ADARB1: variants seen among roughly 807,000 people sequenced by gnomAD.
The protein encoded by ADARB1 is adenosine deaminase RNA specific B1.
ADARB1 carries 10 observed loss-of-function variants against 52.4 expected under a neutral mutation model. The observed-to-expected ratio is 0.19, with a 90% CI of 0.12 to 0.32. The LOEUF is 0.32. Among genes scored for constraint, ADARB1 ranks in the 10% least tolerant of loss-of-function variants. The pLI, the probability that ADARB1 is intolerant of heterozygous loss-of-function variation, is 1.00. For missense variants in ADARB1, 643 were observed against 922.3 expected (o/e 0.70, Z 3.92); for synonymous variants, 349 against 371.1 (o/e 0.94, Z 0.68).
intron 3 of ADARB1, 63 bp from the exon 4 acceptor site, chr21:45,175,667 A>C: frequency 6.6e-7 from 1 of 1,525,490 alleles, no homozygotes; most frequent in South Asian, 1.2e-5. Flanking sequence ...GGAATCTATA[A>C]ATTTTGCATT....
intron 1 of ADARB1, among the ~76,000 whole-genome samples, chr21:45,120,477 C>G (rs137997271): frequency 0.015 from 2,323 of 152,298 alleles, 25 homozygotes; most frequent in Non-Finnish European, 0.022. Context: ...CTTCTTCCGT[C>G]TCCTCCTGGC....
intron 1 of ADARB1, among the ~76,000 whole-genome samples, chr21:45,121,519 A>G (rs2088188563): frequency 6.6e-6 from 1 of 151,864 alleles, no homozygotes; most frequent in Non-Finnish European, 1.5e-5. Context: ...GTTCATGCTT[A>G]TTTGTATTTA....
intron 1 of ADARB1, among the ~76,000 whole-genome samples, chr21:45,103,849 CT>C (rs1343381397): frequency 1.3e-5 from 2 of 152,058 alleles, no homozygotes; most frequent in Non-Finnish European, 2.9e-5. Context: ...TTCAAAAACA[CT>C]TTTTTGTGTC....
chr21:45,179,064 G>A (rs963324215), intron 4 of ADARB1, among the ~76,000 whole-genome samples: 2 of 152,102 alleles, frequency 1.3e-5, no homozygotes, highest in African/African-American at 4.8e-5. Context: ...CTGTAAACTC[G>A]AATGAATCGC....
At chr21:45,184,536 C>G in intron 7 of ADARB1, 1 of 362,112 alleles carries the variant, frequency 2.8e-6, no homozygotes, top group South Asian at 2.1e-5. Flanking sequence ...GCAGCCTCGA[C>G]CTCCTGGGCT....
intron 2 of ADARB1, among the ~76,000 whole-genome samples, chr21:45,139,549 A>G (rs2089593448): frequency 6.6e-6 from 1 of 152,154 alleles, no homozygotes; most frequent in Non-Finnish European, 1.5e-5. Flanking sequence ...GTTTGGATCC[A>G]GCGGTCGAGC....
chr21:45,191,880 A>ATTTTT (rs777269104), intron 8 of ADARB1, among the ~76,000 whole-genome samples: 3 of 15,726 alleles, frequency 1.9e-4, no homozygotes, highest in Non-Finnish European at 2.9e-4. Flanking sequence ...ATATATATAT[A>ATTTTT]TTTTTTTTTT....
intron 2 of ADARB1, chr21:45,146,067 CGGGA>C (rs2089990498): frequency 6.9e-6 from 1 of 145,278 alleles, no homozygotes; most frequent in Non-Finnish European, 1.5e-5. Context: ...TCCGTTCTGC[CGGGA>C]TTACCTACGG....
chr21:45,104,007 ACC>A (rs2087138887), intron 1 of ADARB1, among the ~76,000 whole-genome samples: 1 of 151,964 alleles, frequency 6.6e-6, no homozygotes, highest in African/African-American at 2.4e-5. Flanking sequence ...CACTTATCGA[ACC>A]AGGCCCCAGG....
At chr21:45,092,027 C>T (rs1054112850) in intron 1 of ADARB1, among the ~76,000 whole-genome samples, 14 of 152,208 alleles carry the variant, frequency 9.2e-5, no homozygotes, top group Middle Eastern at 6.8e-3. Flanking sequence ...CCCTAGAGAT[C>T]AACATCCTTC....
intron 9 of ADARB1, among the ~76,000 whole-genome samples, chr21:45,209,370 A>G (rs1401460423): frequency 6.6e-6 from 1 of 152,162 alleles, no homozygotes; most frequent in Non-Finnish European, 1.5e-5. Context: ...TTAACTCCAC[A>G]TCCAGATTTA....
chr21:45,080,599 G>C (rs1381613927), intron 1 of ADARB1, among the ~76,000 whole-genome samples: 2 of 152,254 alleles, frequency 1.3e-5, no homozygotes, highest in African/African-American at 4.8e-5. Flanking sequence ...CTTCTTACCA[G>C]CTTGTGCTGA....
intron 1 of ADARB1, among the ~76,000 whole-genome samples, chr21:45,099,755 G>A (rs1314936382): frequency 6.6e-6 from 1 of 152,178 alleles, no homozygotes; most frequent in Admixed American, 6.5e-5. Context: ...CAGTAAGCCC[G>A]TGTGAAGTGT....
intron 1 of ADARB1, among the ~76,000 whole-genome samples, chr21:45,098,694 T>C (rs1481075701): frequency 6.6e-6 from 1 of 152,236 alleles, no homozygotes; most frequent in Non-Finnish European, 1.5e-5. Flanking sequence ...AAAGTGTTCG[T>C]GGCAGTGTGG....
In ADARB1 at chr21:45,176,224, A is replaced by C. The variant is rs765062795; in HGVS notation, c.523A>C (p.Thr175Pro). ...FTSDQADFPD[T>P]LFNGFETPDK... ...ATCTGACCAGGCCGACTTCCCTGAC[A>C]CGCTCTTCAATGGTTTTGAAACTCC... Residue 175 changes from threonine (T) to proline (P), a missense_variant, in exon 4 of 11, where the codon ACG becomes CCG. Around this residue, in one of 2 missense-constraint regions of ADARB1, gnomAD observed 380 missense variants for 446.5 expected, o/e 0.85. Coordinates refer to ENST00000348831, the MANE Select transcript of ADARB1 (RefSeq NM_001112.4). The surrounding 1 kb of genome is among the most constrained non-coding windows in gnomAD (Gnocchi z 5.8). 6.2e-7 allele frequency: 1 copy of C among 1,614,180 alleles called. No individual in the cohort carries two copies. Among genetic ancestry groups the C allele is most frequent in the Non-Finnish European group, 8.5e-7 (1 of 1,180,044 alleles).
chr21:45,162,355 G>A (rs1282212035), intron 2 of ADARB1, among the ~76,000 whole-genome samples: 1 of 152,132 alleles, frequency 6.6e-6, no homozygotes, highest in African/African-American at 2.4e-5. Flanking sequence ...CTGCCTGGCT[G>A]TACACAATGG....
intron 2 of ADARB1, among the ~76,000 whole-genome samples, chr21:45,171,155 G>A (rs143835414): frequency 2.0e-5 from 3 of 152,194 alleles, no homozygotes; most frequent in African/African-American, 7.2e-5. Flanking sequence ...CTGTCATGGC[G>A]TGTTGTGTCC....
At chr21:45,209,916 TCTCTC>T (rs1206515643) in intron 9 of ADARB1, among the ~76,000 whole-genome samples, 5 of 152,194 alleles carry the variant, frequency 3.3e-5, no homozygotes, top group African/African-American at 1.2e-4. Context: ...GTGACCAGTG[TCTCTC>T]CTCTCATCTG....
chr21:45,211,193 T>C (rs1301287163), intron 9 of ADARB1, among the ~76,000 whole-genome samples: 3 of 152,138 alleles, frequency 2.0e-5, no homozygotes, highest in Non-Finnish European at 4.4e-5. Flanking sequence ...TAATGGCTTG[T>C]GTTTATTTCT....
Sources: gnomAD v4.1 joint callset for allele counts (sites outside exome capture counted in the v4.1 genomes callset) on GRCh38, gnomAD v4.1.1 for gene constraint, gnomAD v4.1.1 regional missense constraint, Gnocchi (gnomAD v3.1) non-coding constraint, MANE v1.5 for transcripts, NCBI Gene and HGNC (gene_info 2026-07-23, HGNC 2026-07-21) for gene names.